The following TEX14 variants were observed in gnomAD, a reference collection of about 807,000 sequenced individuals.
The protein encoded by TEX14 is inactive serine/threonine-protein kinase TEX14.
Under a neutral mutation model 178.6 loss-of-function variants are expected in TEX14, and 168 were observed. The ratio of observed to expected loss-of-function variants is 0.94; its 90% CI spans 0.83 to 1.07. TEX14 has a LOEUF of 1.07. TEX14 is among the 50% of genes least tolerant of loss of function. TEX14 has a pLI of 0.00. For missense variants in TEX14, 1,730 were observed against 1,753.6 expected, an observed-to-expected ratio of 0.99 and a Z score of 0.24; for synonymous variants, 626 against 634.1, an observed-to-expected ratio of 0.99 and a Z score of 0.19.
intron 1 of TEX14, among the ~76,000 whole-genome samples, chr17:58,683,914 A>G (rs2047545716): frequency 6.7e-6 from 1 of 149,888 alleles, no homozygotes; most frequent in Admixed American, 6.7e-5. Context: ...AAAATACAAA[A>G]ATTAGCTGGG....
At chr17:58,612,141 G>C (rs1408316487) in intron 9 of TEX14, among the ~76,000 whole-genome samples, 1 of 152,212 alleles carries the variant, frequency 6.6e-6, no homozygotes, top group Non-Finnish European at 1.5e-5. Context: ...GGAAATTTGA[G>C]AGGTGAGAGG....
chr17:58,603,020 T>C (rs2144486400), intron 11 of TEX14, among the ~76,000 whole-genome samples: 1 of 150,426 alleles, frequency 6.6e-6, no homozygotes, highest in East Asian at 2.0e-4. Flanking sequence ...GAGCTGAGAT[T>C]GCGCCACTGC....
In TEX14 at chr17:58,634,270, G is replaced by A. The variant is rs1253835576; in HGVS notation, c.137-3716C>T. On this transcript the variant is annotated intron_variant, in intron 2 of 31. Transcript: ENST00000349033. ...TCTACTAAAAATACAAAAATTAGCC[G>A]GGCTTGGTGGCACATGCCTGTAATG... Among the ~76,000 whole-genome samples, 8 of 151,828 alleles carry A rather than the reference G, an allele frequency of 5.3e-5. No individual in the cohort carries two copies. The East Asian group carries it at 5.8e-4, about 11-fold the overall frequency.
At chr17:58,672,133 T>C (rs890946404) in intron 1 of TEX14, among the ~76,000 whole-genome samples, 1 of 152,136 alleles carries the variant, frequency 6.6e-6, no homozygotes, top group Non-Finnish European at 1.5e-5. Context: ...CAGTTCACAA[T>C]AGGTTTCACG....
chr17:58,673,484 A>AAAATAAATAAAT (rs76433652), intron 1 of TEX14, among the ~76,000 whole-genome samples: 2,977 of 143,484 alleles, frequency 0.021, 96 homozygotes, highest in East Asian at 0.14. Context: ...CTCCATCTCA[A>AAAATAAATAAAT]AAATAAATAA....
At chr17:58,566,153 G>A (rs1381469106) in intron 26 of TEX14, among the ~76,000 whole-genome samples, 1 of 152,136 alleles carries the variant, frequency 6.6e-6, no homozygotes, top group South Asian at 2.1e-4. Context: ...AAATGATGAT[G>A]ATCATACATA....
chr17:58,665,375 A>C (rs553647179), intron 1 of TEX14, among the ~76,000 whole-genome samples: 11 of 150,716 alleles, frequency 7.3e-5, no homozygotes, highest in African/African-American at 2.7e-4. Context: ...AGGCTGAGGC[A>C]GGATGGCTTG....
chr17:58,618,720 T>G (rs1201108782), intron 5 of TEX14, among the ~76,000 whole-genome samples: 1 of 152,238 alleles, frequency 6.6e-6, no homozygotes, highest in Non-Finnish European at 1.5e-5. Context: ...ATGCCACTAT[T>G]AGAGAACAGA....
At chr17:58,660,579 A>C (rs1302536042) in intron 1 of TEX14, 2 of 794,128 alleles carry the variant, frequency 2.5e-6, no homozygotes, top group Non-Finnish European at 4.6e-6. Flanking sequence ...TGGGAAGATT[A>C]GCCCATGTTC....
intron 1 of TEX14, among the ~76,000 whole-genome samples, chr17:58,665,064 G>A (rs911026011): frequency 1.3e-5 from 2 of 152,174 alleles, no homozygotes; most frequent in East Asian, 1.9e-4. Flanking sequence ...TAAGGAAACA[G>A]ATTAAGTTAG....
intron 1 of TEX14, among the ~76,000 whole-genome samples, chr17:58,656,965 G>T (rs997798162): frequency 6.7e-6 from 1 of 149,524 alleles, no homozygotes; most frequent in African/African-American, 2.4e-5. Flanking sequence ...AGAAAATTGG[G>T]TTTTATTTAT....
At chr17:58,562,678 T>A (rs2044296260) in intron 28 of TEX14, among the ~76,000 whole-genome samples, 1 of 152,016 alleles carries the variant, frequency 6.6e-6, no homozygotes, top group Non-Finnish European at 1.5e-5. Context: ...CTAATTTTTT[T>A]ATATATAATT....
chr17:58,619,559 G>A (rs1195649715), intron 5 of TEX14, among the ~76,000 whole-genome samples: 1 of 152,162 alleles, frequency 6.6e-6, no homozygotes. Context: ...TGTAATCCCA[G>A]CATTTCAGGA....
At chr17:58,587,869 CAG>C in intron 16 of TEX14, 25 bp downstream of exon 16, 1 of 1,560,586 alleles carries the variant, frequency 6.4e-7, no homozygotes, top group Non-Finnish European at 8.8e-7. Context: ...GCTCCACCAC[CAG>C]TTTCCAGCCC....
Position 58,656,393 on chromosome 17 carries a change from C to T in TEX14, c.-1-4391G>A, listed in dbSNP as rs200234265. Among the ~76,000 whole-genome samples the T allele has an allele frequency of 2.2e-4, 33 of 151,350 alleles. No individual in the cohort carries two copies. The South Asian group carries it at 6.3e-3, about 29-fold the overall frequency. ...CTGGGAGGTGGAGGTTGCAGTGAGC[C>T]GAGATCATGCCACTGCACTCCAGCC... On this transcript the variant is annotated intron_variant, in intron 1 of 31. Transcript: ENST00000349033.
intron 10 of TEX14, among the ~76,000 whole-genome samples, chr17:58,610,362 C>T (rs1003419583): frequency 6.6e-6 from 1 of 152,168 alleles, no homozygotes; most frequent in Non-Finnish European, 1.5e-5. Context: ...TGGGCTCTGG[C>T]CACTGCAATG....
chr17:58,653,028 C>T (rs2143270109), intron 1 of TEX14, among the ~76,000 whole-genome samples: 1 of 152,286 alleles, frequency 6.6e-6, no homozygotes, highest in Non-Finnish European at 1.5e-5. Context: ...CCTCTGCCTC[C>T]TGGGTTCAAG....
intron 10 of TEX14, among the ~76,000 whole-genome samples, chr17:58,607,012 CAAA>C (rs35155837): frequency 3.6e-4 from 33 of 92,604 alleles, no homozygotes; most frequent in Non-Finnish European, 5.0e-4. Context: ...GCTACTGTCT[CAAA>C]AAAAAAAAAA....
chr17:58,576,412 A>G (rs903940950), intron 21 of TEX14, among the ~76,000 whole-genome samples: 9 of 152,196 alleles, frequency 5.9e-5, no homozygotes, highest in African/African-American at 2.2e-4. Context: ...TGAACCCGGG[A>G]GGTGGAGGTT....
Sources: gnomAD v4.1 joint callset for allele counts (sites outside exome capture counted in the v4.1 genomes callset) on GRCh38, gnomAD v4.1.1 for gene constraint, MANE v1.5 for transcripts, NCBI Gene and HGNC (gene_info 2026-07-23, HGNC 2026-07-21) for gene names.